KIR2DL3: variants seen among roughly 807,000 people sequenced by gnomAD.
KIR2DL3 encodes killer cell immunoglobulin-like receptor 2DL3.
Under a neutral mutation model 33.8 loss-of-function variants are expected in KIR2DL3, and 39 were observed. The ratio of observed to expected loss-of-function variants is 1.15; its 90% confidence interval spans 0.89 to 1.51. KIR2DL3 has a LOEUF of 1.51. KIR2DL3 is among the 40% of genes most tolerant of loss of function. The pLI, the probability that KIR2DL3 is intolerant of heterozygous loss-of-function variation, is 0.00. For synonymous variants in KIR2DL3, 174 were observed against 160.2 expected (o/e 1.09, Z -0.65); for missense variants, 462 against 426.2 (o/e 1.08, Z -0.74).
chr19:54,748,567 G>C (rs1395736494), intron 5 of KIR2DL3, among the ~76,000 whole-genome samples: 1 of 148,350 alleles, frequency 6.7e-6, no homozygotes, highest in African/African-American at 2.5e-5. Context: ...TGCACAAGTG[G>C]ATCTATAAAT....
In KIR2DL3 at chr19:54,742,050, G is replaced by A. The variant is rs2071236011; in HGVS notation, c.141G>A (p.Leu47=). The A allele has an allele frequency of 5.0e-6, 8 of 1,613,106 alleles. No individual in the cohort carries two copies. The highest frequency in any genetic ancestry group is 1.7e-4 in the Middle Eastern group (1 of 6,046). Residue 47 remains leucine, a synonymous_variant, in exon 3 of 8, where the codon CTG becomes CTA. Transcript: ENST00000342376. The stretch of plus-strand genomic sequence containing the variant: ...TGAAATCAGAAGAGACAGTCATCCT[G>A]CAATGTTGGTCAGATGTCAGGTTTC... ...PLVKSEETVI[L]QCWSDVRFQH...
chr19:54,752,161 A>C (rs2073543342), intron 6 of KIR2DL3, 55 bp from the exon 7 acceptor site: 3 of 1,441,134 alleles, frequency 2.1e-6, no homozygotes, highest in Non-Finnish European at 2.8e-6. Context: ...CTGCTTATGA[A>C]ATGAGGGCCC....
chr19:54,748,275 T>G (rs1237145173), intron 5 of KIR2DL3, among the ~76,000 whole-genome samples: 1 of 151,836 alleles, frequency 6.6e-6, no homozygotes, highest in Non-Finnish European at 1.5e-5. Flanking sequence ...TTGGGGATTC[T>G]ATTGGGTTCA....
At chr19:54,740,216 GGGAA>G (rs985595209) in intron 2 of KIR2DL3, among the ~76,000 whole-genome samples, 2 of 151,994 alleles carry the variant, frequency 1.3e-5, no homozygotes, top group African/African-American at 4.8e-5. Flanking sequence ...AGCACAGGGA[GGGAA>G]GGGCAGTTCC....
chr19:54,743,284 G>C (rs2071535955), intron 3 of KIR2DL3, among the ~76,000 whole-genome samples: 1 of 151,570 alleles, frequency 6.6e-6, no homozygotes, highest in South Asian at 2.1e-4. Flanking sequence ...AATACGTACA[G>C]ATAGAGAGGC....
Position 54,742,336 on chromosome 19 carries a change from C to T in KIR2DL3, c.370+57C>T, listed in dbSNP as rs1334948620. ...GGGATGCAGAGTGAATGATCCACGACTTGGAACCCCCAGGTAGTTGTAAGG... is the reference window on the plus strand; with the variant it reads ...GGGATGCAGAGTGAATGATCCACGATTTGGAACCCCCAGGTAGTTGTAAGG... On this transcript the variant is annotated intron_variant, in intron 3 of 7. Transcript: ENST00000342376. The T allele has an allele frequency of 4.4e-6, 7 of 1,593,952 alleles. No individual in the cohort carries two copies. In the African/African-American group the frequency reaches 5.4e-5, roughly 12 times the overall value.
Position 54,743,880 on chromosome 19 carries a change from G to A in KIR2DL3, c.456G>A (p.Arg152=). 1.2e-6 allele frequency: 2 copies of A among 1,613,926 alleles called. No homozygotes were observed. The highest frequency in any genetic ancestry group is 1.1e-5 in the South Asian group (1 of 91,086). ...GCGTGACCTTGTCCTGCAGCTCCCG[G>A]AGCTCCTATGACATGTACCATCTAT... is the stretch of plus-strand genomic sequence containing the variant. The part of the protein sequence containing the change: ...GESVTLSCSS[R]SSYDMYHLSR... The change falls in exon 4 of 8, where the codon CGG becomes CGA. Residue 152 remains arginine, a synonymous_variant. Coordinates refer to ENST00000342376, the MANE Select transcript of KIR2DL3 (RefSeq NM_015868.3).
Position 54,744,491 on chromosome 19 carries a change from T to A in KIR2DL3, c.664+403T>A, listed in dbSNP as rs954640409. 4.2e-3 allele frequency among the ~76,000 whole-genome samples: 637 copies of A among 152,246 alleles called. 9 individuals carry two copies. Among genetic ancestry groups the A allele is most frequent in the African/African-American group, 0.014 (587 of 41,538 alleles). ...TTACTTTTGTTTGAAGAAATATTTA[T>A]TGAGGATAAATATACCTATATAGCT... On this transcript the variant is annotated intron_variant, in intron 4 of 7. Transcript: ENST00000342376.
At chr19:54,744,870 T>TTA (rs1185648350) in intron 4 of KIR2DL3, among the ~76,000 whole-genome samples, 4,049 of 78,198 alleles carry the variant, frequency 0.052, 134 homozygotes, top group East Asian at 0.089. Flanking sequence ...ATAAATACAT[T>TTA]TATATATATA....
intron 2 of KIR2DL3, 89 bp downstream of exon 2, chr19:54,739,631 C>G (rs879237705): frequency 6.4e-7 from 1 of 1,569,722 alleles, no homozygotes; most frequent in Non-Finnish European, 8.7e-7. Flanking sequence ...GGGAGTCTCT[C>G]ATAAACTAGG....
At chr19:54,752,162 A>T (rs536794331) in intron 6 of KIR2DL3, 54 bp from the exon 7 acceptor site, 1 of 1,441,540 alleles carries the variant, frequency 6.9e-7, no homozygotes, top group Non-Finnish European at 9.4e-7. Flanking sequence ...TGCTTATGAA[A>T]TGAGGGCCCA....
At position 54,752,884 on chromosome 19, in the gene KIR2DL3, A is replaced by T. The variant is rs146745174; in HGVS notation, c.*365A>T. 3.3e-3 allele frequency: 1,352 copies of T among 406,992 alleles called. 3 individuals are homozygous for T. The highest frequency in any genetic ancestry group is 0.026 in the African/African-American group (1,209 of 47,218). 25.2% of individuals were successfully genotyped at this position (406,992 alleles called of 1,614,324 possible). On this transcript the variant is annotated 3_prime_UTR_variant, in exon 8 of 8. Coordinates refer to ENST00000342376, the MANE Select transcript of KIR2DL3 (RefSeq NM_015868.3). Reference sequence around the variant, plus strand: ...GAACTCACAATTCCAAACATACAAGAGGCTCCCTCTTAACACGGCACTTAG... The same window carrying T: ...GAACTCACAATTCCAAACATACAAGTGGCTCCCTCTTAACACGGCACTTAG...
intron 2 of KIR2DL3, 37 bp from the exon 3 acceptor site, chr19:54,741,939 TAAAG>T (rs2071205472): frequency 6.5e-7 from 1 of 1,537,170 alleles, no homozygotes; most frequent in African/African-American, 1.4e-5. Context: ...GATGGGATGA[TAAAG>T]AGAGACACCT....
In KIR2DL3 at chr19:54,739,384, T is replaced by A. The variant is rs1397770516; in HGVS notation, c.35-123T>A. 1,018 of 1,541,068 alleles carry A rather than the reference T, an allele frequency of 6.6e-4. No homozygotes were observed. In the African/African-American group the frequency reaches 0.013, roughly 19 times the overall value. On this transcript the variant is annotated intron_variant, in intron 1 of 7. Coordinates refer to ENST00000342376, the MANE Select transcript of KIR2DL3 (RefSeq NM_015868.3). ...CCTGTTCTTGGGTGCAGGTAGGCACTGAGGGTGAGTTTAACTTCAGCCCAG... is the reference window on the plus strand; with the variant it reads ...CCTGTTCTTGGGTGCAGGTAGGCACAGAGGGTGAGTTTAACTTCAGCCCAG...
rs1293499005 is a variant in KIR2DL3, at chr19:54,746,092, C to T, written c.665-1243C>T. ...GCTCTCAAAGGTCTAGGATGACAGA[C>T]GTGAGCCACCACGCCCGGCCTAAAA... On this transcript the variant is annotated intron_variant, in intron 4 of 7. Coordinates refer to ENST00000342376, the MANE Select transcript of KIR2DL3 (RefSeq NM_015868.3). Among the ~76,000 whole-genome samples, 3 of 134,436 alleles carry T rather than the reference C, an allele frequency of 2.2e-5. 1 individual carries two copies. Among genetic ancestry groups the T allele is most frequent in the Non-Finnish European group, 4.9e-5 (3 of 60,970 alleles). The allele number at this position is 134,436 out of a possible 152,430, so 88.2% of individuals were successfully genotyped here. A position where few individuals can be genotyped will look rare whatever the true frequency, so the allele number is the denominator to read the frequency against.
chr19:54,743,377 T>C (rs1265403796), intron 3 of KIR2DL3, among the ~76,000 whole-genome samples: 11 of 151,954 alleles, frequency 7.2e-5, no homozygotes, highest in Non-Finnish European at 1.3e-4. Flanking sequence ...GATAGATACA[T>C]AGATGATATA....
intron 2 of KIR2DL3, among the ~76,000 whole-genome samples, chr19:54,740,007 C>T (rs1600301510): frequency 6.6e-6 from 1 of 152,136 alleles, no homozygotes; most frequent in South Asian, 2.1e-4. Context: ...CATGTCTACC[C>T]TGTGTTGTTT....
At position 54,743,958 on chromosome 19, in the gene KIR2DL3, C is replaced by T. The variant is rs773355583; in HGVS notation, c.534C>T (p.Asn178=). The part of the protein sequence containing the change: ...ERRFSAGPKV[N]GTFQADFPLG... ...GGTTCTCTGCAGGGCCCAAGGTCAA[C>T]GGAACATTCCAGGCCGACTTTCCTC... is the stretch of plus-strand genomic sequence containing the variant. Residue 178 remains asparagine (N), a synonymous_variant, in exon 4 of 8, where the codon AAC becomes AAT. Coordinates refer to ENST00000342376, the MANE Select transcript of KIR2DL3 (RefSeq NM_015868.3). 466 of 1,614,122 alleles carry T rather than the reference C, an allele frequency of 2.9e-4. No individual in the cohort carries two copies. Among genetic ancestry groups the T allele is most frequent in the Middle Eastern group, 2.0e-3 (12 of 6,062 alleles).
intron 3 of KIR2DL3, 127 bp from the exon 4 acceptor site, chr19:54,743,668 G>A: frequency 2.1e-6 from 2 of 972,050 alleles, no homozygotes; most frequent in Admixed American, 2.9e-5. Context: ...GAGAGATGGG[G>A]TGGAGGGTGA....
Sources: gnomAD v4.1 joint callset for allele counts (sites outside exome capture counted in the v4.1 genomes callset) on GRCh38, gnomAD v4.1.1 for gene constraint, MANE v1.5 for transcripts, NCBI Gene and HGNC (gene_info 2026-07-23, HGNC 2026-07-21) for gene names.